The following SSH2 variants were observed in gnomAD, a reference collection of about 807,000 sequenced individuals.
SSH2 encodes protein phosphatase Slingshot homolog 2.
Under a neutral mutation model 135.2 loss-of-function variants are expected in SSH2, and 37 were observed. The ratio of observed to expected loss-of-function variants is 0.27; its 90% confidence interval spans 0.21 to 0.36. The LOEUF is 0.36. SSH2 is among the 10% of genes least tolerant of loss of function. SSH2 has a pLI of 1.00. For synonymous variants in SSH2, 628 were observed against 646.2 expected (o/e 0.97, Z 0.43); for missense variants, 1,408 against 1,765.3 (o/e 0.80, Z 3.63).
intron 11 of SSH2, among the ~76,000 whole-genome samples, chr17:29,657,574 G>GTT (rs764763821): frequency 0.042 from 3,344 of 80,014 alleles, 537 homozygotes; most frequent in African/African-American, 0.15. Context: ...CGGCTACTTT[G>GTT]TTTTTTTTTT....
chr17:29,913,781 A>G (rs895970210), intron 1 of SSH2, among the ~76,000 whole-genome samples: 2 of 151,650 alleles, frequency 1.3e-5, no homozygotes, highest in African/African-American at 4.8e-5. Context: ...ATTACAGGCA[A>G]GCACCACCAC....
intron 3 of SSH2, among the ~76,000 whole-genome samples, chr17:29,718,699 C>T (rs1006366010): frequency 4.9e-5 from 6 of 123,554 alleles, no homozygotes; most frequent in African/African-American, 1.8e-4. Flanking sequence ...TGCCACTGCA[C>T]TCTAGACTGG....
chr17:29,648,669 A>G (rs1400831413), intron 13 of SSH2, among the ~76,000 whole-genome samples: 1 of 152,258 alleles, frequency 6.6e-6, no homozygotes, highest in Non-Finnish European at 1.5e-5. Context: ...TTTATCCTAA[A>G]GGATAGGATT....
chr17:29,831,864 C>A (rs957454701), intron 2 of SSH2, among the ~76,000 whole-genome samples: 2 of 152,100 alleles, frequency 1.3e-5, no homozygotes, highest in African/African-American at 2.4e-5. Context: ...CAGGTGTAAG[C>A]CACTGTGCTC....
chr17:29,636,960 C>CA (rs1033212435), intron 14 of SSH2, among the ~76,000 whole-genome samples, 158 bp from the exon 15 acceptor site: 16 of 152,104 alleles, frequency 1.1e-4, no homozygotes, highest in African/African-American at 3.4e-4. Context: ...AATTTAATAG[C>CA]AAAAAACAAA....
At chr17:29,811,832 G>A (rs1217047918) in intron 2 of SSH2, among the ~76,000 whole-genome samples, 1 of 152,204 alleles carries the variant, frequency 6.6e-6, no homozygotes, top group East Asian at 1.9e-4. Flanking sequence ...CTCTTGAAAT[G>A]CTGGGACAGG....
At chr17:29,767,376 CT>C (rs59803619) in intron 3 of SSH2, among the ~76,000 whole-genome samples, 113 of 144,998 alleles carry the variant, frequency 7.8e-4, no homozygotes, top group Admixed American at 1.4e-3. Context: ...TTTCTTTTTT[CT>C]TTTTTTTTTT....
chr17:29,634,290 C>G (rs2035803543), intron 15 of SSH2, among the ~76,000 whole-genome samples: 1 of 152,200 alleles, frequency 6.6e-6, no homozygotes, highest in South Asian at 2.1e-4. Context: ...GAATCTATGA[C>G]TAGCTCCACT....
At chr17:29,831,569 G>A (rs1427121684) in intron 2 of SSH2, among the ~76,000 whole-genome samples, 1 of 147,348 alleles carries the variant, frequency 6.8e-6, no homozygotes, top group African/African-American at 2.5e-5. Context: ...GAATGCAACT[G>A]TTTATCTTTT....
At chr17:29,832,683 C>CT (rs1779474521) in intron 2 of SSH2, among the ~76,000 whole-genome samples, 1 of 151,750 alleles carries the variant, frequency 6.6e-6, no homozygotes, top group East Asian at 1.9e-4. Flanking sequence ...TTTTTCTTTT[C>CT]TTTTTTTGAG....
chr17:29,752,968 T>C (rs368606558), intron 3 of SSH2, among the ~76,000 whole-genome samples: 3 of 152,120 alleles, frequency 2.0e-5, no homozygotes, highest in African/African-American at 7.2e-5. Context: ...TGTGTATGCA[T>C]CCTGGCTGGA....
intron 2 of SSH2, among the ~76,000 whole-genome samples, chr17:29,813,765 C>G (rs1313742245): frequency 6.6e-6 from 1 of 150,810 alleles, no homozygotes; most frequent in East Asian, 2.0e-4. Flanking sequence ...TTGCAGTGAG[C>G]TGAGATTGCG....
intron 3 of SSH2, among the ~76,000 whole-genome samples, chr17:29,778,829 G>A (rs1338091507): frequency 6.5e-5 from 5 of 76,456 alleles, no homozygotes; most frequent in Non-Finnish European, 1.1e-4. Flanking sequence ...GTGAGCCTCC[G>A]TCTCCCAAAA....
At chr17:29,676,945 G>C (rs2037747521) in intron 7 of SSH2, 60 bp from the exon 8 acceptor site, 1 of 1,403,628 alleles carries the variant, frequency 7.1e-7, no homozygotes, top group Admixed American at 1.7e-5. Flanking sequence ...TTTGAATTGT[G>C]AGTTTTCATG....
At chr17:29,781,473 C>CTTTTTTTTT (rs541361010) in intron 3 of SSH2, among the ~76,000 whole-genome samples, 163 of 81,826 alleles carry the variant, frequency 2.0e-3, no homozygotes, top group South Asian at 2.7e-3. Context: ...CCTGTGTTTT[C>CTTTTTTTTT]TTTTTTTTTT....
chr17:29,893,175 G>A (rs1053296317), intron 1 of SSH2, among the ~76,000 whole-genome samples: 17 of 151,814 alleles, frequency 1.1e-4, no homozygotes, highest in Non-Finnish European at 2.2e-4. Flanking sequence ...TGACCCAACA[G>A]TGCACACTTC....
chr17:29,905,173 C>G (rs1183099127), intron 1 of SSH2, among the ~76,000 whole-genome samples: 2 of 152,062 alleles, frequency 1.3e-5, no homozygotes, highest in African/African-American at 4.8e-5. Context: ...CAAAAAAGAG[C>G]CTGAATAGCC....
rs370191442 is a variant in SSH2, at chr17:29,930,049, G to C, written c.-49C>G. 445 of 1,539,338 alleles carry C rather than the reference G, an allele frequency of 2.9e-4. 1 individual carries two copies. In the African/African-American group the frequency reaches 5.2e-3, roughly 18 times the overall value. ...GGCAGGGCATTCTTGTCCTGAGTGT[G>C]GGGGACGGGAGGGTGACGGAGCCGG... is the stretch of plus-strand genomic sequence containing the variant. On this transcript the variant is annotated 5_prime_UTR_variant, in exon 1 of 16. Coordinates refer to ENST00000540801, the MANE Select transcript of SSH2 (RefSeq NM_001282129.2).
intron 3 of SSH2, among the ~76,000 whole-genome samples, chr17:29,757,141 G>C (rs1230476239): frequency 5.9e-5 from 9 of 152,146 alleles, no homozygotes; most frequent in African/African-American, 9.7e-5. Flanking sequence ...CCCTAAATCT[G>C]AATTGTTTAG....
Sources: allele counts gnomAD v4.1 joint callset (sites outside exome capture counted in the v4.1 genomes callset), GRCh38; gene constraint gnomAD v4.1.1; transcripts MANE v1.5; gene names NCBI Gene and HGNC (gene_info 2026-07-23, HGNC 2026-07-21).